Variants in ADAMTS17 observed in about 807,000 individuals in gnomAD.
ADAMTS17 encodes A disintegrin and metalloproteinase with thrombospondin motifs 17.
ADAMTS17 carries 113 observed loss-of-function variants against 141.5 expected under a neutral mutation model. The ratio of observed to expected loss-of-function variants is 0.80; its 90% confidence interval spans 0.69 to 0.93. The LOEUF (loss-of-function observed/expected upper bound fraction) is 0.93. Ranked by LOEUF, ADAMTS17 falls within the 40% of genes least tolerant of loss-of-function variation. ADAMTS17 has a pLI of 0.00. For missense variants in ADAMTS17, 1,659 were observed against 1,517.9 expected (o/e 1.09, Z -1.54); for synonymous variants, 768 against 630.6 (o/e 1.22, Z -3.27).
At chr15:100,201,724 C>T (rs1355807363) in intron 7 of ADAMTS17, among the ~76,000 whole-genome samples, 2 of 151,472 alleles carry the variant, frequency 1.3e-5, no homozygotes, top group Non-Finnish European at 2.9e-5. Context: ...GTTTTGTGGC[C>T]ACGTGGATGT....
intron 7 of ADAMTS17, among the ~76,000 whole-genome samples, chr15:100,206,349 T>C (rs1200652822): frequency 2.0e-5 from 3 of 152,202 alleles, no homozygotes; most frequent in East Asian, 3.9e-4. Context: ...TCTGTAGACA[T>C]GGGCATGCCC....
intron 2 of ADAMTS17, among the ~76,000 whole-genome samples, chr15:100,334,939 C>T (rs1281661732): frequency 1.3e-5 from 2 of 152,170 alleles, no homozygotes; most frequent in Non-Finnish European, 2.9e-5. Context: ...GAGGCTTGAG[C>T]CTGGTCACCT....
intron 7 of ADAMTS17, among the ~76,000 whole-genome samples, chr15:100,202,836 C>T (rs999626624): frequency 2.6e-5 from 4 of 152,212 alleles, no homozygotes; most frequent in Non-Finnish European, 5.9e-5. Flanking sequence ...CAAAGCTCTG[C>T]TAATTTCAGT....
At position 100,082,308 on chromosome 15, in the gene ADAMTS17, C is replaced by A. The variant is rs143061533; in HGVS notation, c.2137+14048G>T. ...CTCCATCTCTTGACCTCATGATCCA[C>A]CCACCTTGGCCTCCCAAAGTGCTGG... On this transcript the variant is annotated intron_variant, in intron 15 of 21. Transcript: ENST00000268070. Among the ~76,000 whole-genome samples, 736 of 152,250 alleles carry A rather than the reference C, an allele frequency of 4.8e-3. 10 individuals carry two copies. The highest frequency in any genetic ancestry group is 0.017 in the African/African-American group (687 of 41,534).
chr15:100,045,101 C>T (rs2031579237), intron 18 of ADAMTS17, among the ~76,000 whole-genome samples: 1 of 151,968 alleles, frequency 6.6e-6, no homozygotes, highest in South Asian at 2.1e-4. Context: ...GCCACCATGC[C>T]CAGCCTGTTA....
At position 100,205,815 on chromosome 15, in the gene ADAMTS17, G is replaced by C. The variant is rs151012290; in HGVS notation, c.1076-6392C>G. On this transcript the variant is annotated intron_variant, in intron 7 of 21. Transcript: ENST00000268070. ...AGGCCATTTCAGCAAAGAGACAAAG[G>C]CGGTAGAAAGGTGAGCAGGGATGTT... Among the ~76,000 whole-genome samples the C allele has an allele frequency of 9.5e-3, 1,447 of 152,312 alleles. 24 individuals carry two copies. The highest frequency in any genetic ancestry group is 0.031 in the African/African-American group (1,286 of 41,568).
intron 7 of ADAMTS17, among the ~76,000 whole-genome samples, chr15:100,238,428 G>A (rs1035705207): frequency 2.0e-5 from 3 of 152,230 alleles, no homozygotes; most frequent in African/African-American, 7.2e-5. Flanking sequence ...CCCAGGGCTG[G>A]AGCCGGGCCT....
At chr15:99,977,394 ATATATAAT>A (rs2060380702) in intron 20 of ADAMTS17, among the ~76,000 whole-genome samples, 4 of 5,350 alleles carry the variant, frequency 7.5e-4, no homozygotes, top group African/African-American at 2.4e-3. Flanking sequence ...ATATATATAT[ATATATAAT>A]TTTTTTTTTT....
In ADAMTS17 at chr15:100,116,935, A is replaced by T. The variant is rs982866327; in HGVS notation, c.1800T>A (p.Gly600=). ...ACTGCTGGTCCCGGAAGCTGGGCAG[A>T]CCCTTGGGGCAGGGCAGGTTCTCGC... The part of the protein sequence containing the change: ...AVCENLPCPK[G]LPSFRDQQCQ... Residue 600 remains glycine (G), a synonymous_variant, in exon 13 of 22, where the codon GGT becomes GGA. Coordinates refer to ENST00000268070, the MANE Select transcript of ADAMTS17 (RefSeq NM_139057.4). 6.2e-7 allele frequency: 1 copy of T among 1,613,916 alleles called. No individual in the cohort carries two copies. Among genetic ancestry groups the T allele is most frequent in the Non-Finnish European group, 8.5e-7 (1 of 1,180,020 alleles).
rs993989517 is a variant in ADAMTS17 at position 100,269,448 on chromosome 15, C to T, written c.790-7013G>A. Among the ~76,000 whole-genome samples the T allele has an allele frequency of 3.3e-5, 5 of 152,154 alleles. No homozygotes were observed. The East Asian group carries it at 9.6e-4, about 29-fold the overall frequency. On this transcript the variant is annotated intron_variant, in intron 4 of 21. Transcript: ENST00000268070. ...CTGGGATTTTGATTGATTGACTGATCTTTAATTTTTACTTTTTTAGGGGCC... is the reference window on the plus strand; with the variant it reads ...CTGGGATTTTGATTGATTGACTGATTTTTAATTTTTACTTTTTTAGGGGCC...
At chr15:100,286,184 G>C (rs982523019) in intron 3 of ADAMTS17, among the ~76,000 whole-genome samples, 1 of 152,048 alleles carries the variant, frequency 6.6e-6, no homozygotes, top group Non-Finnish European at 1.5e-5. Context: ...CTGCTTTGCC[G>C]GCACACACGT....
chr15:100,184,421 T>G (rs56916021), intron 8 of ADAMTS17, among the ~76,000 whole-genome samples: 19,041 of 152,242 alleles, frequency 0.13, 1,557 homozygotes, highest in East Asian at 0.3. Flanking sequence ...CTTCTTTCCA[T>G]CTTTCATTAT....
intron 8 of ADAMTS17, among the ~76,000 whole-genome samples, chr15:100,189,435 C>T (rs1277351758): frequency 6.6e-6 from 1 of 152,156 alleles, no homozygotes; most frequent in African/African-American, 2.4e-5. Flanking sequence ...TTCTGACATC[C>T]CTGGGTCATC....
At chr15:100,027,592 T>G (rs2061540018) in intron 18 of ADAMTS17, among the ~76,000 whole-genome samples, 1 of 152,246 alleles carries the variant, frequency 6.6e-6, no homozygotes, top group Admixed American at 6.5e-5. Context: ...GTAGCTGCTT[T>G]TGTGCTACAA....
chr15:100,265,396 A>G (rs1047568077), intron 4 of ADAMTS17, among the ~76,000 whole-genome samples: 1 of 152,132 alleles, frequency 6.6e-6, no homozygotes, highest in Non-Finnish European at 1.5e-5. Flanking sequence ...TTGGGGAGGG[A>G]ACAGCGCAGC....
At chr15:100,150,580 C>T (rs1178025811) in intron 10 of ADAMTS17, among the ~76,000 whole-genome samples, 2 of 152,232 alleles carry the variant, frequency 1.3e-5, no homozygotes, top group Admixed American at 6.5e-5. Context: ...GCCTTCCTCC[C>T]TCTGTCCCTC....
At position 99,974,402 on chromosome 15, in the gene ADAMTS17, T is replaced by C; in HGVS notation, c.3288A>G (p.Ter1096TrpextTer50). The C allele has an allele frequency of 6.2e-7, 1 of 1,614,150 alleles. No homozygotes were observed. Among genetic ancestry groups the C allele is most frequent in the Non-Finnish European group, 8.5e-7 (1 of 1,180,030 alleles). The stretch of plus-strand genomic sequence containing the variant: ...TTTGAGCGACCCTTGGGACTGCGTG[T>C]CACGAGTTCGGCGGTGGCTGGCGCA... ...NKMRQPPPNS[*>W] The change falls in exon 22 of 22, where the codon TGA becomes TGG. Residue 1096 changes from the stop codon to tryptophan, a stop_lost. Transcript: ENST00000268070.
At position 100,048,905 on chromosome 15, in the gene ADAMTS17, C is replaced by T. The variant is rs765114645; in HGVS notation, c.2543G>A (p.Arg848His). 3.5e-5 allele frequency: 56 copies of T among 1,614,012 alleles called. No individual in the cohort carries two copies. The highest frequency in any genetic ancestry group is 1.1e-4 in the African/African-American group (8 of 74,906). ...GCACCTTCGGACCTGGGGCTCTGGG[C>T]GGCTTGCTTGAGGGCAGTCACTGTC... The part of the protein sequence containing the change: ...VNDSDCPQAS[R>H]PEPQVRRCNL... Residue 848 changes from arginine to histidine, a missense_variant, in exon 18 of 22, where the codon CGC (arginine) becomes CAC (histidine). Transcript: ENST00000268070.
intron 15 of ADAMTS17, among the ~76,000 whole-genome samples, chr15:100,083,256 A>G (rs1189244244): frequency 1.3e-5 from 2 of 152,132 alleles, no homozygotes; most frequent in African/African-American, 4.8e-5. Context: ...TCCAGGAGTG[A>G]CCTCACTCTG....
Sources: allele counts gnomAD v4.1 joint callset (sites outside exome capture counted in the v4.1 genomes callset), GRCh38; gene constraint gnomAD v4.1.1; transcripts MANE v1.5; gene names NCBI Gene and HGNC (gene_info 2026-07-23, HGNC 2026-07-21).